Variants in MBP observed in about 807,000 individuals in gnomAD.
MBP encodes the protein Golli-MBP.
In MBP, 16 loss-of-function variants were observed where a neutral mutation model predicts 35.8. The ratio of observed to expected loss-of-function variants is 0.45; its 90% CI spans 0.30 to 0.68. The LOEUF is 0.68. Ranked by LOEUF, MBP falls within the 30% of genes least tolerant of loss-of-function variation. The pLI is 0.08. For synonymous variants in MBP, 143 were observed against 159.6 expected (o/e 0.90, Z 0.78); for missense variants, 380 against 404.7 (o/e 0.94, Z 0.52).
intron 1 of MBP, among the ~76,000 whole-genome samples, chr18:77,126,421 A>G (rs905510014): frequency 6.6e-6 from 1 of 152,212 alleles, no homozygotes; most frequent in African/African-American, 2.4e-5. Context: ...ACATCCATAA[A>G]AATCCTATAG....
rs1199000646 is a variant in MBP at position 77,029,140 on chromosome 18, A to C, written c.140-11872T>G. On this transcript the variant is annotated intron_variant, in intron 3 of 8. Coordinates refer to ENST00000355994, the MANE Select transcript of MBP (RefSeq NM_001025101.2). ...GGCACCATTGAGCACTGAGTGAACG[A>C]GACTCCGTCTGCAATCCCGGCACCT... Among the ~76,000 whole-genome samples the C allele has an allele frequency of 6.9e-3, 793 of 114,680 alleles. 16 individuals are homozygous for C. The highest frequency in any genetic ancestry group is 0.02 in the African/African-American group (751 of 37,610). The allele number at this position is 114,680 out of a possible 152,430, so 75.2% of individuals were successfully genotyped here.
intron 3 of MBP, among the ~76,000 whole-genome samples, chr18:77,053,865 C>T (rs1213410563): frequency 2.0e-5 from 3 of 152,252 alleles, no homozygotes; most frequent in Non-Finnish European, 4.4e-5. Context: ...AGACAGATGT[C>T]CCTGCCTTCA....
intron 3 of MBP, among the ~76,000 whole-genome samples, chr18:77,053,403 G>A (rs574553759): frequency 6.6e-6 from 1 of 152,356 alleles, no homozygotes; most frequent in South Asian, 2.1e-4. Context: ...GGTATGCTCC[G>A]CTACGGGGGC....
intron 2 of MBP, among the ~76,000 whole-genome samples, chr18:77,067,306 T>A (rs1029917195): frequency 6.6e-6 from 1 of 152,176 alleles, no homozygotes; most frequent in South Asian, 2.1e-4. Context: ...ATGGGTATTC[T>A]TTTCCCTCCT....
intron 4 of MBP, among the ~76,000 whole-genome samples, chr18:76,996,456 A>G (rs1970275808): frequency 6.6e-6 from 1 of 152,236 alleles, no homozygotes; most frequent in Admixed American, 6.5e-5. Context: ...GATTTCACTA[A>G]AACCTTCAAA....
chr18:77,105,998 G>A (rs535498768), intron 1 of MBP, among the ~76,000 whole-genome samples: 6 of 152,156 alleles, frequency 3.9e-5, no homozygotes, highest in Admixed American at 6.5e-5. Flanking sequence ...GCCTTCCTGC[G>A]GAACCTGCCC....
chr18:77,087,168 A>G (rs1254205641), intron 2 of MBP, among the ~76,000 whole-genome samples: 1 of 151,688 alleles, frequency 6.6e-6, no homozygotes. Flanking sequence ...AGAGGGAGGG[A>G]CTCCTGACCC....
rs771298177 is a variant in MBP, at chr18:77,016,980, C to T, written c.428G>A (p.Arg143Lys). The change falls in exon 4 of 9, where the codon AGG becomes AAG. Residue 143 changes from arginine to lysine, a missense_variant. Physicochemically the swap from Arg to Lys is conservative, Grantham distance 26 (BLOSUM62 2). Transcript: ENST00000355994. ...VMASQKRPSQ[R>K]HGSKYLATAS... ...TGTGGCCAGGTACTTGGATCCGTGC[C>T]TCTGGGAGGGTCTCTTCTGTGACGC... The T allele has an allele frequency of 6.2e-7, 1 of 1,614,080 alleles. No individual in the cohort carries two copies. The highest frequency in any genetic ancestry group is 8.5e-7 in the Non-Finnish European group (1 of 1,180,028).
intron 4 of MBP, chr18:77,009,871 G>C: frequency 6.3e-7 from 1 of 1,593,210 alleles, no homozygotes; most frequent in Middle Eastern, 1.7e-4. Flanking sequence ...GCACAGCCCA[G>C]GCTGGCTGCG....
At chr18:77,088,452 G>A (rs1052977092) in intron 2 of MBP, among the ~76,000 whole-genome samples, 2 of 152,166 alleles carry the variant, frequency 1.3e-5, no homozygotes, top group Middle Eastern at 3.2e-3. Context: ...CCAACCTTCA[G>A]GGCACACCAG....
Position 77,131,331 on chromosome 18 carries a change from C to A in MBP, c.-26+1249G>T, listed in dbSNP as rs1194519784. Among the ~76,000 whole-genome samples, 1 of 152,102 alleles carries A rather than the reference C, an allele frequency of 6.6e-6. No homozygotes were observed. The highest frequency in any genetic ancestry group is 6.5e-5 in the Admixed American group (1 of 15,268). On this transcript the variant is annotated intron_variant, in intron 1 of 8. Transcript: ENST00000355994. The surrounding 1 kb of genome is among the most constrained non-coding windows in gnomAD (Gnocchi z 5.5). ...GTCCTTAAACTGTCCCCCGGAGCTT[C>A]GCCAGATAAAATGTCCAAAACACAC...
chr18:77,074,867 A>G (rs190899339), intron 2 of MBP, among the ~76,000 whole-genome samples: 60 of 152,344 alleles, frequency 3.9e-4, no homozygotes, highest in Non-Finnish European at 6.6e-4. Flanking sequence ...AGTAAGAAAC[A>G]TTCATGTAAA....
chr18:77,063,972 C>T (rs1432837023), intron 3 of MBP, among the ~76,000 whole-genome samples: 7 of 151,844 alleles, frequency 4.6e-5, no homozygotes, highest in Non-Finnish European at 1.0e-4. Context: ...TACGAATAAT[C>T]TCAAAAGCAA....
chr18:76,980,405 G>A lies in MBP; in HGVS notation c.*22C>T, dbSNP rs770077639. On this transcript the variant is annotated 3_prime_UTR_variant, in exon 9 of 9. Coordinates refer to ENST00000355994, the MANE Select transcript of MBP (RefSeq NM_001025101.2). The stretch of plus-strand genomic sequence containing the variant: ...AGTTATATTAAGAAGCTGAGGACAG[G>A]ATTCCGGAACCAGGTGGGTTTTCAG... The A allele has an allele frequency of 1.9e-6, 3 of 1,609,478 alleles. No individual in the cohort carries two copies. Among genetic ancestry groups the A allele is most frequent in the Non-Finnish European group, 2.6e-6 (3 of 1,175,804 alleles).
intron 2 of MBP, among the ~76,000 whole-genome samples, chr18:77,079,846 A>G (rs2144910004): frequency 6.6e-6 from 1 of 152,326 alleles, no homozygotes; most frequent in South Asian, 2.1e-4. Context: ...TTAAATTCAT[A>G]TGTCACTGTT....
At chr18:77,040,283 A>G (rs1475647348) in intron 3 of MBP, among the ~76,000 whole-genome samples, 2 of 152,208 alleles carry the variant, frequency 1.3e-5, no homozygotes, top group East Asian at 3.8e-4. Flanking sequence ...ATAAAAGAGG[A>G]TACAAACAAA....
intron 2 of MBP, among the ~76,000 whole-genome samples, chr18:77,072,045 C>A (rs540184012): frequency 3.3e-5 from 5 of 152,242 alleles, no homozygotes; most frequent in African/African-American, 1.2e-4. Context: ...ACAAAAAAGC[C>A]CAGCTGAAGC....
In MBP at chr18:77,044,117, C is replaced by T. The variant is rs117090428; in HGVS notation, c.139+22181G>A. 5.9e-5 allele frequency among the ~76,000 whole-genome samples: 9 copies of T among 152,252 alleles called. No individual in the cohort carries two copies. The highest frequency in any genetic ancestry group is 3.9e-4 in the East Asian group (2 of 5,180). On this transcript the variant is annotated intron_variant, in intron 3 of 8. Transcript: ENST00000355994. This position sits in a 1 kb window ranked among gnomAD's most constrained non-coding sequence, Gnocchi z 4.4. ...TGACCACCTCCCCCGATGCCCTCCA[C>T]GCTGCACACTGGGCTGGTCTGCAGA...
rs532378313 is a variant in MBP at position 77,044,899 on chromosome 18, CTGTG to C, written c.139+21395_139+21398del. Among the ~76,000 whole-genome samples the C allele has an allele frequency of 7.4e-6, 1 of 134,982 alleles. No homozygotes were observed. The highest frequency in any genetic ancestry group is 1.6e-5 in the Non-Finnish European group (1 of 62,948). The allele number at this position is 134,982 out of a possible 152,430, so 88.6% of individuals were successfully genotyped here. Reference sequence around the variant, plus strand: ...GTATCCTGTGTGTAAGTGTGTGTGACTGTGTGAGTGTGTAAGAAAATGTGAGTCT... The same window carrying C: ...GTATCCTGTGTGTAAGTGTGTGTGACTGAGTGTGTAAGAAAATGTGAGTCT... On this transcript the variant is annotated intron_variant, in intron 3 of 8. Transcript: ENST00000355994. This position sits in a 1 kb window ranked among gnomAD's most constrained non-coding sequence, Gnocchi z 4.4.
Sources: gnomAD v4.1 joint callset for allele counts (sites outside exome capture counted in the v4.1 genomes callset) on GRCh38, gnomAD v4.1.1 for gene constraint, Gnocchi (gnomAD v3.1) non-coding constraint, MANE v1.5 for transcripts, NCBI Gene and HGNC (gene_info 2026-07-23, HGNC 2026-07-21) for gene names.